DCUN1D1: variants seen among roughly 807,000 people sequenced by gnomAD.
DCUN1D1 encodes the protein defective in cullin neddylation 1 domain containing 1.
DCUN1D1 carries 3 observed loss-of-function variants against 39.0 expected under a neutral mutation model. The observed-to-expected ratio is 0.08, with a 90% CI of 0.04 to 0.20. DCUN1D1 has a LOEUF of 0.20. Ranked by LOEUF, DCUN1D1 falls within the 10% of genes least tolerant of loss-of-function variation. The probability of loss-of-function intolerance (pLI) is 1.00; values close to 1 mark genes in which losing one functional copy is unlikely to be tolerated. For missense variants in DCUN1D1, 158 were observed against 302.4 expected (o/e 0.52, Z 3.54); for synonymous variants, 82 against 96.3 (o/e 0.85, Z 0.87).
At chr3:182,983,933 T>G (rs1266828080), upstream of DCUN1D1, among the ~76,000 whole-genome samples, 1 of 152,190 alleles carries the variant, frequency 6.6e-6, no homozygotes, top group Non-Finnish European at 1.5e-5. Context: ...CATATACTTT[T>G]GTTACACTTA....
chr3:182,957,744 T>G (rs1407678041), intron 4 of DCUN1D1, among the ~76,000 whole-genome samples: 1 of 151,724 alleles, frequency 6.6e-6, no homozygotes, highest in Admixed American at 6.6e-5. Flanking sequence ...ATAACCAGGC[T>G]GGGTAATACC....
chr3:182,973,467 T>G (rs568157823), intron 1 of DCUN1D1, among the ~76,000 whole-genome samples: 1 of 152,196 alleles, frequency 6.6e-6, no homozygotes, highest in East Asian at 1.9e-4. Flanking sequence ...ATATACATAC[T>G]ACGTAATTAT....
chr3:182,982,431 A>G (rs1332898096), upstream of DCUN1D1, among the ~76,000 whole-genome samples: 1 of 152,176 alleles, frequency 6.6e-6, no homozygotes, highest in Non-Finnish European at 1.5e-5. Flanking sequence ...GTCATTTCAC[A>G]GGTCCATCAA....
intron 6 of DCUN1D1, among the ~76,000 whole-genome samples, chr3:182,946,248 C>T (rs1048705746): frequency 2.0e-5 from 3 of 151,954 alleles, no homozygotes; most frequent in Non-Finnish European, 2.9e-5. Flanking sequence ...CTATATTAGG[C>T]GGCTGAAGTA....
chr3:182,958,488 T>C (rs1727211162), intron 4 of DCUN1D1, among the ~76,000 whole-genome samples: 1 of 152,170 alleles, frequency 6.6e-6, no homozygotes, highest in Non-Finnish European at 1.5e-5. Context: ...TTGTACACTG[T>C]ATGGCTGTGG....
At chr3:182,954,381 G>A (rs116279190) in intron 4 of DCUN1D1, among the ~76,000 whole-genome samples, 1,939 of 152,154 alleles carry the variant, frequency 0.013, 44 homozygotes, top group African/African-American at 0.045. Flanking sequence ...AATTTATATC[G>A]TTTAGGAACA....
At chr3:182,952,967 A>G (rs907616308) in intron 4 of DCUN1D1, among the ~76,000 whole-genome samples, 2 of 152,220 alleles carry the variant, frequency 1.3e-5, no homozygotes, top group Non-Finnish European at 2.9e-5. Context: ...CTTCCATGTT[A>G]AAATTCTTCA....
chr3:182,979,070 T>C (rs1489190020), intron 1 of DCUN1D1, among the ~76,000 whole-genome samples: 4 of 152,244 alleles, frequency 2.6e-5, no homozygotes, highest in Admixed American at 1.3e-4. Flanking sequence ...TCAGGAGTAA[T>C]GTCTATGACC....
intron 4 of DCUN1D1, among the ~76,000 whole-genome samples, chr3:182,953,881 T>C (rs1291357532): frequency 1.3e-5 from 2 of 152,212 alleles, no homozygotes; most frequent in Non-Finnish European, 2.9e-5. Flanking sequence ...ATACTCCCCA[T>C]GTTATTCTTT....
At chr3:182,953,085 T>C (rs1726839463) in intron 4 of DCUN1D1, among the ~76,000 whole-genome samples, 1 of 152,222 alleles carries the variant, frequency 6.6e-6, no homozygotes, top group Non-Finnish European at 1.5e-5. Flanking sequence ...GTGAACATGC[T>C]AACCCCTCAA....
chr3:182,963,970 A>G lies in DCUN1D1; in HGVS notation c.300T>C (p.Ile100=), dbSNP rs1377865898. The part of the protein sequence containing the change: ...CDDLALDPAS[I]SVLIIAWKFR... ...ACTTCCACGCAATAATCAACACACT[A>G]ATGCTGGCTGGATCGAGTGCCAGGT... The change falls in exon 3 of 7, where the codon ATT becomes ATC. Residue 100 remains isoleucine, a synonymous_variant. Coordinates refer to ENST00000292782, the MANE Select transcript of DCUN1D1 (RefSeq NM_020640.4). The G allele has an allele frequency of 6.2e-7, 1 of 1,614,050 alleles. No homozygotes were observed. Among genetic ancestry groups the G allele is most frequent in the Admixed American group, 1.7e-5 (1 of 60,018 alleles).
chr3:182,973,398 G>A (rs915913639), intron 1 of DCUN1D1, among the ~76,000 whole-genome samples: 2 of 152,098 alleles, frequency 1.3e-5, no homozygotes. Flanking sequence ...AACTGAAATC[G>A]AGCAAAGTGA....
chr3:182,968,805 G>T (rs1025608462), intron 1 of DCUN1D1, among the ~76,000 whole-genome samples: 1 of 152,108 alleles, frequency 6.6e-6, no homozygotes, highest in Non-Finnish European at 1.5e-5. Flanking sequence ...TTGCCATGTT[G>T]CCTAGGCTGG....
intron 4 of DCUN1D1, chr3:182,956,306 A>G: frequency 3.7e-6 from 1 of 268,906 alleles, no homozygotes; most frequent in South Asian, 4.9e-5. Flanking sequence ...CTGGGAGCTC[A>G]TCACCAAAAC....
At chr3:182,983,234 A>G (rs906599183), upstream of DCUN1D1, among the ~76,000 whole-genome samples, 2 of 151,994 alleles carry the variant, frequency 1.3e-5, no homozygotes, top group Non-Finnish European at 2.9e-5. Flanking sequence ...GCTTTCTCCA[A>G]TTCTCCTATC....
intron 6 of DCUN1D1, among the ~76,000 whole-genome samples, 179 bp downstream of exon 6, chr3:182,947,059 C>T (rs1292318926): frequency 6.6e-6 from 1 of 152,206 alleles, no homozygotes; most frequent in East Asian, 1.9e-4. Flanking sequence ...GCCATGCTTG[C>T]ACCAATGCAC....
At position 182,940,699 on chromosome 3, in the gene DCUN1D1, G is replaced by A. The variant is rs1165774869; in HGVS notation, c.*4395C>T. 1 of 152,128 alleles carries A rather than the reference G, an allele frequency of 6.6e-6. No homozygotes were observed. The highest frequency in any genetic ancestry group is 1.5e-5 in the Non-Finnish European group (1 of 68,020). 9.4% of individuals were successfully genotyped at this position (152,128 alleles called of 1,614,324 possible). On this transcript the variant is annotated 3_prime_UTR_variant, in exon 7 of 7. Transcript: ENST00000292782. ...TGGCCCTACCTCATGAAGGACAGCA[G>A]CCCCAAGTTACAGCTTCAAGACCAA...
At position 182,963,971 on chromosome 3, in the gene DCUN1D1, A is replaced by C. The variant is rs1228416577; in HGVS notation, c.299T>G (p.Ile100Ser). 2 of 1,614,038 alleles carry C rather than the reference A, an allele frequency of 1.2e-6. No homozygotes were observed. Among genetic ancestry groups the C allele is most frequent in the Non-Finnish European group, 8.5e-7 (1 of 1,179,920 alleles). Residue 100 changes from isoleucine to serine, a missense_variant, in exon 3 of 7, where the codon ATT becomes AGT. Physicochemically the swap from Ile to Ser is moderately radical, Grantham distance 142. Around this residue, in one of 4 missense-constraint regions of DCUN1D1, gnomAD observed 107 missense variants for 174.7 expected, o/e 0.61. Transcript: ENST00000292782. ...CDDLALDPAS[I>S]SVLIIAWKFR... ...CTTCCACGCAATAATCAACACACTA[A>C]TGCTGGCTGGATCGAGTGCCAGGTC...
intron 1 of DCUN1D1, among the ~76,000 whole-genome samples, chr3:182,966,473 G>C (rs553689474): frequency 1.4e-4 from 21 of 151,948 alleles, no homozygotes; most frequent in Non-Finnish European, 2.5e-4. Flanking sequence ...GCCTAGCAGA[G>C]ACCCTTGGTC....
Sources: gnomAD v4.1 joint callset for allele counts (sites outside exome capture counted in the v4.1 genomes callset) on GRCh38, gnomAD v4.1.1 for gene constraint, gnomAD v4.1.1 regional missense constraint, MANE v1.5 for transcripts, NCBI Gene and HGNC (gene_info 2026-07-23, HGNC 2026-07-21) for gene names.